CEP295: variants seen among roughly 807,000 people sequenced by gnomAD.
CEP295 encodes the protein centrosomal protein 295.
CEP295 carries 190 observed loss-of-function variants against 291.6 expected under a neutral mutation model. The observed-to-expected ratio is 0.65, with a 90% CI of 0.58 to 0.73. The LOEUF is 0.73. Ranked by LOEUF, CEP295 falls within the 30% of genes least tolerant of loss-of-function variation. The pLI, the probability that CEP295 is intolerant of heterozygous loss-of-function variation, is 0.00. For missense variants in CEP295, 2,863 were observed against 2,949.4 expected (o/e 0.97, Z 0.68); for synonymous variants, 993 against 1,038.8 (o/e 0.96, Z 0.85).
At chr11:93,723,540 G>A (rs1204884323) in intron 21 of CEP295, 2 of 330,056 alleles carry the variant, frequency 6.1e-6, no homozygotes, top group Middle Eastern at 8.9e-4. Context: ...TAGCTATTAC[G>A]GCTGAGGCGG....
At chr11:93,696,270 ATACT>A (rs1239066575) in intron 13 of CEP295, 46 bp from the exon 14 acceptor site, 9 of 1,085,588 alleles carry the variant, frequency 8.3e-6, no homozygotes, top group East Asian at 7.8e-5. Flanking sequence ...AAATACTTCA[ATACT>A]TACTTCTAAA....
intron 5 of CEP295, 58 bp downstream of exon 5, chr11:93,669,828 G>T: frequency 8.9e-7 from 1 of 1,118,846 alleles, no homozygotes; most frequent in Non-Finnish European, 1.3e-6. Flanking sequence ...TTATAATTCA[G>T]TGGAGGTCAG....
Position 93,700,201 on chromosome 11 carries a change from T to A in CEP295, c.5274+15T>A. 1 of 1,508,616 alleles carries A rather than the reference T, an allele frequency of 6.6e-7. No homozygotes were observed. Among genetic ancestry groups the A allele is most frequent in the East Asian group, 2.5e-5 (1 of 40,598 alleles). 93.5% of individuals were successfully genotyped at this position (1,508,616 alleles called of 1,614,324 possible). A position where few individuals can be genotyped will look rare whatever the true frequency, so the allele number is the denominator to read the frequency against. On this transcript the variant is annotated intron_variant, in intron 15 of 29. Coordinates refer to ENST00000325212, the MANE Select transcript of CEP295 (RefSeq NM_033395.2). Reference sequence around the variant, plus strand: ...AAGACAGTCAGGTATGTTTTAAACCTGAATAATAATGAAACACTAGAAGTT... The same window carrying A: ...AAGACAGTCAGGTATGTTTTAAACCAGAATAATAATGAAACACTAGAAGTT...
rs756019637 is a variant in CEP295, at chr11:93,721,871, T to C, written c.5851-83T>C. 12 of 884,738 alleles carry C rather than the reference T, an allele frequency of 1.4e-5. No homozygotes were observed. The South Asian group carries it at 1.6e-4, about 12-fold the overall frequency. The allele number at this position is 884,738 out of a possible 1,614,324, so 54.8% of individuals were successfully genotyped here. On this transcript the variant is annotated intron_variant, in intron 19 of 29. Coordinates refer to ENST00000325212, the MANE Select transcript of CEP295 (RefSeq NM_033395.2). ...TCTACACTTGACCTGAGCTCAGAAG[T>C]GACAACTGCTGGGGTTGGTGATTTG... is the stretch of plus-strand genomic sequence containing the variant.
chr11:93,710,598 T>G (rs1389428479), intron 18 of CEP295, among the ~76,000 whole-genome samples: 1 of 152,168 alleles, frequency 6.6e-6, no homozygotes, highest in Non-Finnish European at 1.5e-5. Flanking sequence ...CTTTGTCAGG[T>G]TTTGGGATTA....
chr11:93,699,127 C>G lies in CEP295; in HGVS notation c.4215C>G (p.Phe1405Leu). The change falls in exon 15 of 30, where the codon TTC (phenylalanine) becomes TTG (leucine). Residue 1405 changes from phenylalanine (F) to leucine (L), a missense_variant. Physicochemically the swap from Phe to Leu is conservative, Grantham distance 22 (BLOSUM62 0). Around this residue, in one of 3 missense-constraint regions of CEP295, gnomAD observed 2,295 missense variants for 2,335.7 expected, o/e 0.98. Coordinates refer to ENST00000325212, the MANE Select transcript of CEP295 (RefSeq NM_033395.2). ...TACCCCTAGTACCACAGCATTCATT[C>G]GCCTCATTACCTCTTAATGAATCTG... is the stretch of plus-strand genomic sequence containing the variant. ...SSLPLVPQHS[F>L]ASLPLNESER... 1.9e-6 allele frequency: 3 copies of G among 1,550,288 alleles called. No individual in the cohort carries two copies. The highest frequency in any genetic ancestry group is 4.9e-5 in the East Asian group (2 of 40,924).
chr11:93,727,348 C>G lies in CEP295; in HGVS notation c.6872C>G (p.Thr2291Arg), dbSNP rs1412527097. 2 of 1,551,192 alleles carry G rather than the reference C, an allele frequency of 1.3e-6. No homozygotes were observed. Among genetic ancestry groups the G allele is most frequent in the African/African-American group, 2.7e-5 (2 of 72,970 alleles). Residue 2291 changes from threonine (T) to arginine (R), a missense_variant, in exon 24 of 30, where the codon ACA (threonine) becomes AGA (arginine). Transcript: ENST00000325212. The part of the protein sequence containing the change: ...FEELSKRGVV[T>R]MLQSQGLIED... ...GAACTATCAAAAAGAGGGGTTGTTACAATGTTACAAAGTCAAGGACTCATT... is the reference window on the plus strand; with the variant it reads ...GAACTATCAAAAAGAGGGGTTGTTAGAATGTTACAAAGTCAAGGACTCATT...
At chr11:93,710,543 A>G (rs1952826323) in intron 18 of CEP295, among the ~76,000 whole-genome samples, 1 of 152,120 alleles carries the variant, frequency 6.6e-6, no homozygotes, top group Admixed American at 6.6e-5. Context: ...TTTTAGCATC[A>G]GTATTCATCA....
intron 5 of CEP295, among the ~76,000 whole-genome samples, chr11:93,672,398 T>C (rs1232975480): frequency 1.3e-5 from 2 of 152,088 alleles, no homozygotes; most frequent in African/African-American, 4.8e-5. Context: ...TTTGTTTTAC[T>C]TCTTCCCTTG....
At chr11:93,714,784 T>A (rs978279541) in intron 18 of CEP295, among the ~76,000 whole-genome samples, 4 of 152,194 alleles carry the variant, frequency 2.6e-5, no homozygotes, top group African/African-American at 9.7e-5. Context: ...CTCTGGACTA[T>A]CCAGCAGAGA....
chr11:93,727,902 T>C (rs1380495004), intron 24 of CEP295: 1 of 294,434 alleles, frequency 3.4e-6, no homozygotes, highest in East Asian at 5.9e-5. Flanking sequence ...TCCAGCATAA[T>C]GCAGAAACTT....
intron 7 of CEP295, among the ~76,000 whole-genome samples, chr11:93,682,656 C>T (rs1265087125): frequency 6.6e-6 from 1 of 151,568 alleles, no homozygotes; most frequent in Admixed American, 6.6e-5. Flanking sequence ...CTGTCTGAAC[C>T]TTTTTGCTGC....
In CEP295 at chr11:93,729,516, GGACAGCATCTACAGGT is replaced by G. The variant is rs1176280263; in HGVS notation, c.7386_7399+2del. On this transcript the variant is annotated splice_donor_variant and coding_sequence_variant, in exon 26 of 30. Transcript: ENST00000325212. LOFTEE classifies it high-confidence loss of function. Reference sequence around the variant, plus strand: ...TCAGAACTTTCCATAGAAAAACCAAGGACAGCATCTACAGGTAAGCCTTGGACGGCCTCCACACTTC... The same window carrying G: ...TCAGAACTTTCCATAGAAAAACCAAGAAGCCTTGGACGGCCTCCACACTTC... The G allele has an allele frequency of 6.4e-7, 1 of 1,551,568 alleles. No homozygotes were observed. Among genetic ancestry groups the G allele is most frequent in the Non-Finnish European group, 8.7e-7 (1 of 1,146,868 alleles).
At chr11:93,682,426 A>G (rs1178344345) in intron 7 of CEP295, among the ~76,000 whole-genome samples, 2 of 151,832 alleles carry the variant, frequency 1.3e-5, no homozygotes, top group African/African-American at 4.8e-5. Context: ...ATTTCGCCAT[A>G]TTGGCCAGGC....
At chr11:93,728,977 C>T in intron 25 of CEP295, 156 bp downstream of exon 25, 2 of 624,494 alleles carry the variant, frequency 3.2e-6, no homozygotes, top group Non-Finnish European at 5.3e-6. Flanking sequence ...TAAACCTTCA[C>T]TATTCTGTCA....
At chr11:93,678,984 G>GT (rs1362691373) in intron 6 of CEP295, among the ~76,000 whole-genome samples, 1 of 152,094 alleles carries the variant, frequency 6.6e-6, no homozygotes, top group Non-Finnish European at 1.5e-5. Flanking sequence ...AGCCTCACGA[G>GT]TAGCTGGGAT....
rs1950223821 is a variant in CEP295, at chr11:93,666,784, A to G, written c.77A>G (p.Tyr26Cys). ...GAAGCCTTCATTTTGAAGGAAGATT[A>G]TGAAAGAAGGCGAAAACTAAGATTG... is the stretch of plus-strand genomic sequence containing the variant. ...NEEAFILKEDYERRRKLRLLQ... is the reference protein window; with the variant it reads ...NEEAFILKEDCERRRKLRLLQ... The change falls in exon 2 of 30, where the codon TAT (tyrosine) becomes TGT (cysteine). Residue 26 changes from tyrosine to cysteine, a missense_variant. Physicochemically the swap from Tyr to Cys is radical, Grantham distance 194. Transcript: ENST00000325212. 3 of 1,548,010 alleles carry G rather than the reference A, an allele frequency of 1.9e-6. No individual in the cohort carries two copies. The highest frequency in any genetic ancestry group is 2.4e-5 in the South Asian group (2 of 83,934).
chr11:93,670,571 G>C (rs994203984), intron 5 of CEP295, among the ~76,000 whole-genome samples: 1 of 152,136 alleles, frequency 6.6e-6, no homozygotes, highest in Non-Finnish European at 1.5e-5. Context: ...AGTATATTCT[G>C]TATAAGCATA....
chr11:93,681,738 G>A (rs1950978305), intron 7 of CEP295, among the ~76,000 whole-genome samples: 1 of 151,822 alleles, frequency 6.6e-6, no homozygotes, highest in South Asian at 2.1e-4. Flanking sequence ...TTTTAGTAGA[G>A]ACGGGGTTTC....
Sources: gnomAD v4.1 joint callset for allele counts (sites outside exome capture counted in the v4.1 genomes callset) on GRCh38, gnomAD v4.1.1 for gene constraint, gnomAD v4.1.1 regional missense constraint, MANE v1.5 for transcripts, NCBI Gene and HGNC (gene_info 2026-07-23, HGNC 2026-07-21) for gene names.